CRIM1: variants seen among roughly 807,000 people sequenced by gnomAD.
CRIM1 encodes the protein cysteine rich transmembrane BMP regulator 1.
In CRIM1, 32 loss-of-function variants were observed where a neutral mutation model predicts 116.4. The observed-to-expected ratio is 0.27, with a 90% CI of 0.21 to 0.37. CRIM1 has a LOEUF of 0.37. CRIM1 is among the 10% of genes least tolerant of loss of function. The pLI is 1.00. For synonymous variants in CRIM1, 590 were observed against 509.2 expected (o/e 1.16, Z -2.13); for missense variants, 1,331 against 1,354.8 (o/e 0.98, Z 0.28).
intron 4 of CRIM1, among the ~76,000 whole-genome samples, chr2:36,447,821 C>G (rs1369471444): frequency 6.6e-6 from 1 of 152,126 alleles, no homozygotes; most frequent in Non-Finnish European, 1.5e-5. Flanking sequence ...TTTCTGATTG[C>G]AGGAATTTGG....
rs1669205150 is a variant in CRIM1, at chr2:36,361,257, T to C, written c.331+4634T>C. 2.6e-5 allele frequency among the ~76,000 whole-genome samples: 4 copies of C among 152,302 alleles called. No individual in the cohort carries two copies. The South Asian group carries it at 8.3e-4, about 32-fold the overall frequency. On this transcript the variant is annotated intron_variant, in intron 1 of 16. Transcript: ENST00000280527. Reference sequence around the variant, plus strand: ...GATATTTGTTGCCATTCACACATATTGTACACTGACCAGGAAAATCTCCAA... The same window carrying C: ...GATATTTGTTGCCATTCACACATATCGTACACTGACCAGGAAAATCTCCAA...
chr2:36,531,817 A>T (rs1444914229), intron 13 of CRIM1: 2 of 451,684 alleles, frequency 4.4e-6, no homozygotes, highest in Non-Finnish European at 9.1e-6. Flanking sequence ...AAGACATTGT[A>T]TATTTTTATT....
chr2:36,537,954 A>G (rs1666669197), intron 14 of CRIM1, among the ~76,000 whole-genome samples: 1 of 152,224 alleles, frequency 6.6e-6, no homozygotes. Context: ...ACCAAAGTGG[A>G]AGACCTGCAT....
At chr2:36,498,642 T>C (rs2125083934) in intron 7 of CRIM1, among the ~76,000 whole-genome samples, 1 of 152,292 alleles carries the variant, frequency 6.6e-6, no homozygotes, top group Middle Eastern at 3.4e-3. Flanking sequence ...CCCACAAGTC[T>C]CTGGGCCCTG....
At chr2:36,536,302 C>T (rs1006280399) in intron 13 of CRIM1, among the ~76,000 whole-genome samples, 1 of 152,162 alleles carries the variant, frequency 6.6e-6, no homozygotes, top group African/African-American at 2.4e-5. Context: ...AGATGCTTTC[C>T]AGGAAGAACC....
intron 5 of CRIM1, among the ~76,000 whole-genome samples, chr2:36,471,475 C>T (rs1232717307): frequency 6.6e-6 from 1 of 152,172 alleles, no homozygotes; most frequent in Non-Finnish European, 1.5e-5. Flanking sequence ...CCATCAGCAT[C>T]AAGGCAATAC....
rs199732642 is a variant in CRIM1, at chr2:36,393,385, T to G, written c.332-3229T>G. Among the ~76,000 whole-genome samples, 74 of 152,318 alleles carry G rather than the reference T, an allele frequency of 4.9e-4. 1 individual carries two copies. Among genetic ancestry groups the G allele is most frequent in the Admixed American group, 3.9e-3 (60 of 15,308 alleles). Reference sequence around the variant, plus strand: ...TTGTGATGTTTTGTATATATGTGTGTGTATATATGTATACACACACACATT... The same window carrying G: ...TTGTGATGTTTTGTATATATGTGTGGGTATATATGTATACACACACACATT... On this transcript the variant is annotated intron_variant, in intron 1 of 16. Coordinates refer to ENST00000280527, the MANE Select transcript of CRIM1 (RefSeq NM_016441.3).
chr2:36,442,544 T>C (rs1457339886), intron 3 of CRIM1, 71 bp from the exon 4 acceptor site: 1 of 1,581,382 alleles, frequency 6.3e-7, no homozygotes, highest in Admixed American at 1.7e-5. Flanking sequence ...CAAGAGCTAG[T>C]ATTTCATTTA....
At chr2:36,542,071 G>A (rs1436715863) in intron 14 of CRIM1, among the ~76,000 whole-genome samples, 3 of 152,186 alleles carry the variant, frequency 2.0e-5, no homozygotes, top group African/African-American at 4.8e-5. Flanking sequence ...GGAGCTGTGC[G>A]TGTTCTGTGA....
At chr2:36,534,904 G>GC (rs1265060197) in intron 13 of CRIM1, among the ~76,000 whole-genome samples, 1 of 152,090 alleles carries the variant, frequency 6.6e-6, no homozygotes, top group African/African-American at 2.4e-5. Context: ...CATTGTATGG[G>GC]CCAAGGTTCA....
rs1457134677 is a variant in CRIM1 at position 36,522,120 on chromosome 2, C to G, written c.2235C>G (p.Arg745=). Residue 745 remains arginine, a synonymous_variant, in exon 13 of 17, where the codon CGC becomes CGG. Transcript: ENST00000280527. Reference sequence around the variant, plus strand: ...AACCTTTTCGGCCTTCCTTGTCCCGCAATAACAGCGTACCTAATTACTGCA... The same window carrying G: ...AACCTTTTCGGCCTTCCTTGTCCCGGAATAACAGCGTACCTAATTACTGCA... ...TDQPFRPSLS[R]NNSVPNYCKN... 9 of 1,614,036 alleles carry G rather than the reference C, an allele frequency of 5.6e-6. No individual in the cohort carries two copies. Among genetic ancestry groups the G allele is most frequent in the Non-Finnish European group, 7.6e-6 (9 of 1,180,026 alleles).
rs937605983 is a variant in CRIM1, at chr2:36,464,807, C to G, written c.991+152C>G. ...CTCAAAAAGGTTTGCTTAAGATCCA[C>G]AGTGCAGTAAAGAAAGTTAGGTTAG... On this transcript the variant is annotated intron_variant, in intron 5 of 16. Transcript: ENST00000280527. The G allele has an allele frequency of 6.6e-5, 54 of 818,992 alleles. No individual in the cohort carries two copies. The African/African-American group carries it at 7.6e-4, about 12-fold the overall frequency. 50.7% of individuals were successfully genotyped at this position (818,992 alleles called of 1,614,324 possible).
chr2:36,421,814 C>A (rs1225792071), intron 2 of CRIM1, among the ~76,000 whole-genome samples: 1 of 152,084 alleles, frequency 6.6e-6, no homozygotes, highest in Non-Finnish European at 1.5e-5. Flanking sequence ...CCTTTCTTTC[C>A]TTCTTTCCTT....
intron 2 of CRIM1, among the ~76,000 whole-genome samples, chr2:36,413,558 G>T (rs199939913): frequency 6.6e-6 from 1 of 152,124 alleles, no homozygotes. Context: ...GTTTCAGAGA[G>T]AGCCCAGAAC....
chr2:36,458,434 TA>T (rs1677313989), intron 4 of CRIM1, among the ~76,000 whole-genome samples: 1 of 152,188 alleles, frequency 6.6e-6, no homozygotes. Flanking sequence ...CTGGTCATTG[TA>T]GTAAAACAAA....
rs2125121928 is a variant in CRIM1 at position 36,517,605 on chromosome 2, T to C, written c.2206+63T>C. 56 of 1,522,760 alleles carry C rather than the reference T, an allele frequency of 3.7e-5. 1 individual carries two copies. In the South Asian group the frequency reaches 6.5e-4, roughly 18 times the overall value. 94.3% of individuals were successfully genotyped at this position (1,522,760 alleles called of 1,614,324 possible). On this transcript the variant is annotated intron_variant, in intron 12 of 16. Coordinates refer to ENST00000280527, the MANE Select transcript of CRIM1 (RefSeq NM_016441.3). ...AGGATGCAGCTCTGGGTGTTGTCATTCTGTGGGACCCACAGGGCAGGATCA... is the reference window on the plus strand; with the variant it reads ...AGGATGCAGCTCTGGGTGTTGTCATCCTGTGGGACCCACAGGGCAGGATCA...
chr2:36,377,081 C>G (rs755267584), intron 1 of CRIM1, among the ~76,000 whole-genome samples: 1 of 152,220 alleles, frequency 6.6e-6, no homozygotes, highest in Admixed American at 6.5e-5. Flanking sequence ...AGGCCCACAT[C>G]CAACAGCTGC....
At chr2:36,533,176 G>T (rs1195361765) in intron 13 of CRIM1, among the ~76,000 whole-genome samples, 5 of 152,096 alleles carry the variant, frequency 3.3e-5, no homozygotes, top group Non-Finnish European at 7.4e-5. Flanking sequence ...ACCTCGAATT[G>T]CATGGAATAG....
chr2:36,463,341 A>G (rs1243663370), intron 4 of CRIM1, among the ~76,000 whole-genome samples: 1 of 152,214 alleles, frequency 6.6e-6, no homozygotes, highest in Non-Finnish European at 1.5e-5. Context: ...GAACAAACCA[A>G]TTACTTAAAT....
Sources: allele counts gnomAD v4.1 joint callset (sites outside exome capture counted in the v4.1 genomes callset), GRCh38; gene constraint gnomAD v4.1.1; transcripts MANE v1.5; gene names NCBI Gene and HGNC (gene_info 2026-07-23, HGNC 2026-07-21).